The following CEACAM7 variants were observed in gnomAD, a reference collection of about 807,000 sequenced individuals.
CEACAM7 encodes CEA cell adhesion molecule 7.
In CEACAM7, 24 loss-of-function variants were observed where a neutral mutation model predicts 25.7. The observed-to-expected ratio is 0.93, with a 90% CI of 0.68 to 1.31. The LOEUF is 1.31. Among genes scored for constraint, CEACAM7 ranks in the 40% most tolerant of loss-of-function variants. CEACAM7 has a pLI of 0.00. For missense variants in CEACAM7, 324 were observed against 330.1 expected, an observed-to-expected ratio of 0.98 and a Z score of 0.14; for synonymous variants, 144 against 129.4, an observed-to-expected ratio of 1.11 and a Z score of -0.77.
At chr19:41,675,731 A>G (rs1165982084) in intron 4 of CEACAM7, among the ~76,000 whole-genome samples, 3 of 152,204 alleles carry the variant, frequency 2.0e-5, no homozygotes, top group Non-Finnish European at 4.4e-5. Context: ...ATCTGATAAG[A>G]CTTCAGATTT....
At chr19:41,675,045 C>T (rs1196464370) in intron 4 of CEACAM7, among the ~76,000 whole-genome samples, 1 of 152,176 alleles carries the variant, frequency 6.6e-6, no homozygotes, top group African/African-American at 2.4e-5. Context: ...CACTAGGAAG[C>T]CAAACCAAGG....
intron 4 of CEACAM7, among the ~76,000 whole-genome samples, chr19:41,675,280 G>A (rs1175642086): frequency 1.3e-5 from 2 of 152,128 alleles, no homozygotes; most frequent in Non-Finnish European, 2.9e-5. Flanking sequence ...AATGTAGGGA[G>A]AAAAATTAAT....
intron 3 of CEACAM7, among the ~76,000 whole-genome samples, chr19:41,681,673 C>T (rs886239385): frequency 1.3e-5 from 2 of 152,130 alleles, no homozygotes; most frequent in African/African-American, 2.4e-5. Flanking sequence ...CATACTACAA[C>T]GTGAATGAAC....
intron 1 of CEACAM7, among the ~76,000 whole-genome samples, chr19:41,687,885 A>C (rs1026949036): frequency 6.6e-6 from 1 of 152,268 alleles, no homozygotes; most frequent in African/African-American, 2.4e-5. Flanking sequence ...AGTGATGATT[A>C]ACCAGGAAAA....
At position 41,687,150 on chromosome 19, in the gene CEACAM7, C is replaced by A. The variant is rs782285346; in HGVS notation, c.136G>T (p.Ala46Ser). ...TNIDVVPFNV[A>S]EGKEVLLVVH... is the part of the protein sequence containing the mutation. ...ACTAGAAGGACCTCCTTCCCTTCTG[C>A]GACATTGAACGGCACGACATCAATA... The change falls in exon 2 of 5, where the codon GCA (alanine) becomes TCA (serine). Residue 46 changes from alanine to serine, a missense_variant. Physicochemically the swap from Ala to Ser is moderately conservative, Grantham distance 99 (BLOSUM62 1). Transcript: ENST00000401731. 5.6e-6 allele frequency: 9 copies of A among 1,613,756 alleles called. No homozygotes were observed. The highest frequency in any genetic ancestry group is 4.0e-5 in the African/African-American group (3 of 74,862).
rs73932004 is a variant in CEACAM7, at chr19:41,685,269, C to A, written c.428-1206G>T. Among the ~76,000 whole-genome samples the A allele has an allele frequency of 7.2e-3, 1,091 of 152,194 alleles. 11 individuals carry two copies. The highest frequency in any genetic ancestry group is 0.025 in the African/African-American group (1,041 of 41,502). ...GAGTTGCTCATCCCTGTCCCATGGC[C>A]AAGCATTTACACAGTCATGAGACTC... On this transcript the variant is annotated intron_variant, in intron 2 of 4. Transcript: ENST00000401731.
At position 41,683,038 on chromosome 19, in the gene CEACAM7, G is replaced by T. The variant is rs566067900; in HGVS notation, c.706+747C>A. 4.6e-5 allele frequency among the ~76,000 whole-genome samples: 7 copies of T among 152,278 alleles called. No individual in the cohort carries two copies. The East Asian group carries it at 1.4e-3, about 29-fold the overall frequency. On this transcript the variant is annotated intron_variant, in intron 3 of 4. Coordinates refer to ENST00000401731, the MANE Select transcript of CEACAM7 (RefSeq NM_001291485.2). ...CGGGGAGAATTTGGGATCTGCTTGT[G>T]CCCATGGGACACAGGCTGGAAAAGA...
intron 3 of CEACAM7, 108 bp downstream of exon 3, chr19:41,683,677 G>C: frequency 1.3e-6 from 2 of 1,486,092 alleles, no homozygotes; most frequent in Non-Finnish European, 1.8e-6. Flanking sequence ...TGGGTGCCTA[G>C]AGGTGAGGGT....
At chr19:41,676,124 C>CT (rs2072111467) in intron 4 of CEACAM7, among the ~76,000 whole-genome samples, 1 of 152,188 alleles carries the variant, frequency 6.6e-6, no homozygotes, top group Non-Finnish European at 1.5e-5. Flanking sequence ...CCAAGTCCTG[C>CT]TTATCAGAGC....
Position 41,686,964 on chromosome 19 carries a change from G to A in CEACAM7, c.322C>T (p.Leu108=), listed in dbSNP as rs1555811267. Residue 108 remains leucine, a synonymous_variant, in exon 2 of 5, where the codon CTG becomes TTG. Transcript: ENST00000401731. ...TTGTGGGTGACGTTCTGGATCAGCAGGGTTCCATTGGGGTATATTGTCTCT... is the reference window on the plus strand; with the variant it reads ...TTGTGGGTGACGTTCTGGATCAGCAAGGTTCCATTGGGGTATATTGTCTCT... ...GRETIYPNGT[L]LIQNVTHNDA... 1 of 1,610,928 alleles carries A rather than the reference G, an allele frequency of 6.2e-7. No individual in the cohort carries two copies. Among genetic ancestry groups the A allele is most frequent in the Admixed American group, 1.7e-5 (1 of 59,458 alleles).
chr19:41,673,947 G>C lies in CEACAM7; in HGVS notation c.*829C>G, dbSNP rs2072089183. Reference sequence around the variant, plus strand: ...GTTTGAAGTATGATCCATAGGCAGAGACCCCATGAACCAAACCAAATAAAA... The same window carrying C: ...GTTTGAAGTATGATCCATAGGCAGACACCCCATGAACCAAACCAAATAAAA... On this transcript the variant is annotated 3_prime_UTR_variant, in exon 5 of 5. Coordinates refer to ENST00000401731, the MANE Select transcript of CEACAM7 (RefSeq NM_001291485.2). 6.6e-6 allele frequency: 1 copy of C among 152,124 alleles called. No homozygotes were observed. The highest frequency in any genetic ancestry group is 2.1e-4 in the South Asian group (1 of 4,826). 9.4% of individuals were successfully genotyped at this position (152,124 alleles called of 1,614,324 possible).
At chr19:41,676,574 C>T (rs1314046040) in intron 4 of CEACAM7, among the ~76,000 whole-genome samples, 1 of 152,142 alleles carries the variant, frequency 6.6e-6, no homozygotes, top group African/African-American at 2.4e-5. Context: ...GAGTAGGGAC[C>T]TTGCCTTCTT....
intron 3 of CEACAM7, among the ~76,000 whole-genome samples, chr19:41,681,325 G>T (rs548255717): frequency 5.0e-4 from 76 of 152,322 alleles, no homozygotes; most frequent in Non-Finnish European, 3.8e-4. Flanking sequence ...TGCATTGCCG[G>T]TGGGAGTGTG....
At chr19:41,682,433 T>C (rs1555810773) in intron 3 of CEACAM7, among the ~76,000 whole-genome samples, 3 of 152,238 alleles carry the variant, frequency 2.0e-5, no homozygotes, top group Non-Finnish European at 4.4e-5. Context: ...AGCTGTGCTC[T>C]GTGCTGTGTC....
intron 3 of CEACAM7, among the ~76,000 whole-genome samples, chr19:41,681,900 G>T (rs2072179119): frequency 2.0e-5 from 3 of 152,158 alleles, no homozygotes; most frequent in Non-Finnish European, 2.9e-5. Context: ...TCTGGAAATG[G>T]ATAGCGGTGA....
At chr19:41,675,660 T>A (rs1273116215) in intron 4 of CEACAM7, among the ~76,000 whole-genome samples, 1 of 152,320 alleles carries the variant, frequency 6.6e-6, no homozygotes, top group African/African-American at 2.4e-5. Flanking sequence ...CAAGTGCTTT[T>A]AGAGAAGAAT....
Position 41,677,056 on chromosome 19 carries a change from T to G in CEACAM7, c.*36+320A>C, listed in dbSNP as rs782270962. 1.1e-4 allele frequency among the ~76,000 whole-genome samples: 16 copies of G among 152,044 alleles called. 1 individual carries two copies. The highest frequency in any genetic ancestry group is 2.0e-4 in the Admixed American group (3 of 15,264). The stretch of plus-strand genomic sequence containing the variant: ...AGAAGTCAAGCAGGACTTCAAGCAG[T>G]TGTTGAGGTTTATGGGAATGGAGAG... On this transcript the variant is annotated intron_variant, in intron 4 of 4. Coordinates refer to ENST00000401731, the MANE Select transcript of CEACAM7 (RefSeq NM_001291485.2).
chr19:41,682,404 T>C (rs1176596624), intron 3 of CEACAM7, among the ~76,000 whole-genome samples: 1 of 152,156 alleles, frequency 6.6e-6, no homozygotes, highest in Non-Finnish European at 1.5e-5. Context: ...TCTCCCTATT[T>C]GTCCAAATGT....
intron 4 of CEACAM7, among the ~76,000 whole-genome samples, chr19:41,676,477 C>T (rs1436942867): frequency 6.6e-6 from 1 of 152,224 alleles, no homozygotes; most frequent in Non-Finnish European, 1.5e-5. Context: ...CCTCCCACCT[C>T]AGCTTCCCAA....
Sources: gnomAD v4.1 joint callset for allele counts (sites outside exome capture counted in the v4.1 genomes callset) on GRCh38, gnomAD v4.1.1 for gene constraint, MANE v1.5 for transcripts, NCBI Gene and HGNC (gene_info 2026-07-23, HGNC 2026-07-21) for gene names.